The following KCNT1 variants were observed in gnomAD, a reference collection of about 807,000 sequenced individuals.
KCNT1 encodes potassium channel subfamily T member 1.
Under a neutral mutation model 147.8 loss-of-function variants are expected in KCNT1, and 78 were observed. The observed-to-expected ratio is 0.53, with a 90% CI of 0.44 to 0.64. KCNT1 has a LOEUF of 0.64. KCNT1 is among the 30% of genes least tolerant of loss of function. KCNT1 has a pLI of 0.00. For missense variants in KCNT1, 1,419 were observed against 1,750.3 expected, an observed-to-expected ratio of 0.81 and a Z score of 3.38; for synonymous variants, 867 against 748.8, an observed-to-expected ratio of 1.16 and a Z score of -2.58.
intron 12 of KCNT1, 33 bp downstream of exon 12, chr9:135,765,228 T>A: frequency 6.3e-7 from 1 of 1,592,974 alleles, no homozygotes; most frequent in African/African-American, 1.3e-5. Flanking sequence ...AGCAGACGAC[T>A]CCCTCCCGGC....
intron 21 of KCNT1, among the ~76,000 whole-genome samples, chr9:135,777,793 G>T (rs1833279881): frequency 7.0e-6 from 1 of 142,640 alleles, no homozygotes; most frequent in African/African-American, 2.7e-5. Flanking sequence ...CCAGTTCCCA[G>T]CTCCACCCAA....
chr9:135,757,080 C>A, intron 7 of KCNT1, 76 bp from the exon 8 acceptor site: 2 of 898,910 alleles, frequency 2.2e-6, no homozygotes, highest in Non-Finnish European at 1.7e-6. Flanking sequence ...CGCCCTCTTC[C>A]CCACCCTGCC....
At chr9:135,759,940 C>G in intron 11 of KCNT1, 81 bp downstream of exon 11, 1 of 1,370,840 alleles carries the variant, frequency 7.3e-7, no homozygotes, top group Non-Finnish European at 9.8e-7. Flanking sequence ...GCCACTGAGG[C>G]TGTGGCACAG....
Position 135,786,446 on chromosome 9 carries a change from C to T in KCNT1, c.3427C>T (p.Arg1143Cys), listed in dbSNP as rs760923308. Reference sequence around the variant, plus strand: ...CCAGCAGCGCCTCAGCCTGTACCGGCGCTCTGAGCGCCAGGAGCTCTCCGA... The same window carrying T: ...CCAGCAGCGCCTCAGCCTGTACCGGTGCTCTGAGCGCCAGGAGCTCTCCGA... Reference protein sequence around the residue: ...ISQQRLSLYRRSERQELSELV... With the variant: ...ISQQRLSLYRCSERQELSELV... Residue 1143 changes from arginine (R) to cysteine (C), a missense_variant, in exon 29 of 31, where the codon CGC becomes TGC. Coordinates refer to ENST00000371757, the MANE Select transcript of KCNT1 (RefSeq NM_020822.3). The T allele has an allele frequency of 3.8e-6, 6 of 1,597,852 alleles. No homozygotes were observed. In the African/African-American group the frequency reaches 4.0e-5, roughly 11 times the overall value.
chr9:135,762,214 C>CG (rs904651595), intron 11 of KCNT1, among the ~76,000 whole-genome samples: 2 of 152,164 alleles, frequency 1.3e-5, no homozygotes, highest in Admixed American at 6.5e-5. Context: ...AAGGCCAAGG[C>CG]GGGAGGATCG....
chr9:135,770,220 G>A lies in KCNT1; in HGVS notation c.1620-78G>A, dbSNP rs954154783. On this transcript the variant is annotated intron_variant, in intron 16 of 30. Coordinates refer to ENST00000371757, the MANE Select transcript of KCNT1 (RefSeq NM_020822.3). ...TCCATGCCAGGGGAAGCAGAGGGGG[G>A]CACCTGCAGACCCAGCCGGGGAGAA... 7 of 1,505,744 alleles carry A rather than the reference G, an allele frequency of 4.6e-6. No individual in the cohort carries two copies. In the Admixed American group the frequency reaches 5.6e-5, roughly 12 times the overall value. 93.3% of individuals were successfully genotyped at this position (1,505,744 alleles called of 1,614,324 possible).
At chr9:135,784,918 G>C (rs1027819564) in intron 27 of KCNT1, 29 bp downstream of exon 27, 16 of 1,608,036 alleles carry the variant, frequency 1.0e-5, no homozygotes, top group Non-Finnish European at 1.4e-5. Flanking sequence ...GGCTGGGACT[G>C]TGGCAGCCCC....
At chr9:135,783,047 C>T (rs1039753059) in intron 24 of KCNT1, among the ~76,000 whole-genome samples, 4 of 152,304 alleles carry the variant, frequency 2.6e-5, no homozygotes, top group South Asian at 4.1e-4. Context: ...CCTCCGTGGG[C>T]GCACACGCCT....
chr9:135,727,977 C>T (rs953258041), intron 2 of KCNT1, among the ~76,000 whole-genome samples: 21 of 152,288 alleles, frequency 1.4e-4, no homozygotes, highest in African/African-American at 4.6e-4. Context: ...TAAAAGAGGG[C>T]GGCAAAGAGG....
chr9:135,760,807 G>A (rs190838312), intron 11 of KCNT1, among the ~76,000 whole-genome samples: 139 of 152,342 alleles, frequency 9.1e-4, no homozygotes, highest in African/African-American at 3.2e-3. Context: ...GGGGCCGTGC[G>A]CGTCTTTCCA....
At position 135,784,071 on chromosome 9, in the gene KCNT1, G is replaced by A. The variant is rs376839128; in HGVS notation, c.2889G>A (p.Pro963=). The A allele has an allele frequency of 1.2e-5, 19 of 1,606,134 alleles. No homozygotes were observed. The highest frequency in any genetic ancestry group is 1.6e-4 in the Middle Eastern group (1 of 6,084). ...GSNLAFMFRL[P]FAAGRVFSIS... ...ACCTGGCCTTCATGTTCCGCCTGCC[G>A]TTCGCCGCCGGCCGCGTCTTCAGCA... Residue 963 remains proline (P), a synonymous_variant, in exon 25 of 31, where the codon CCG becomes CCA. Transcript: ENST00000371757.
At position 135,703,316 on chromosome 9, in the gene KCNT1, CTGAGAGCGGG is replaced by C. The variant is rs1340772882; in HGVS notation, c.110+949_110+958del. On this transcript the variant is annotated intron_variant, in intron 1 of 30. Transcript: ENST00000371757. ...CAGAGAAGGGGGTGGAAGAGCATAC[CTGAGAGCGGG>C]AGGCCTGGTGCGGCTGCCTGTTTGT... is the stretch of plus-strand genomic sequence containing the variant. 3.3e-5 allele frequency among the ~76,000 whole-genome samples: 5 copies of C among 152,156 alleles called. No individual in the cohort carries two copies. In the East Asian group the frequency reaches 5.8e-4, roughly 18 times the overall value.
At chr9:135,761,601 C>T (rs537156433) in intron 11 of KCNT1, among the ~76,000 whole-genome samples, 1 of 152,350 alleles carries the variant, frequency 6.6e-6, no homozygotes, top group East Asian at 1.9e-4. Flanking sequence ...CTTTCAGGGC[C>T]ATCCTTGACC....
chr9:135,726,998 CCT>C (rs1180845493), intron 2 of KCNT1, among the ~76,000 whole-genome samples: 4 of 81,928 alleles, frequency 4.9e-5, no homozygotes, highest in Non-Finnish European at 9.8e-5. Context: ...TCCCTCTCTC[CCT>C]CTCTCTTTCC....
At chr9:135,755,376 G>A (rs1372874310) in intron 6 of KCNT1, among the ~76,000 whole-genome samples, 1 of 146,454 alleles carries the variant, frequency 6.8e-6, no homozygotes, top group African/African-American at 2.5e-5. Context: ...CTCAGCAAAT[G>A]CTGAGGACAA....
chr9:135,790,817 C>T (rs1215836638), intron 29 of KCNT1: 1 of 152,304 alleles, frequency 6.6e-6, no homozygotes, highest in Admixed American at 6.5e-5. Context: ...AATCCAGGAG[C>T]TTCCCGTAGA....
At chr9:135,783,870 CTG>C (rs989094420) in intron 24 of KCNT1, among the ~76,000 whole-genome samples, 152 bp from the exon 25 acceptor site, 7 of 152,244 alleles carry the variant, frequency 4.6e-5, no homozygotes, top group South Asian at 4.1e-4. Flanking sequence ...CAGACACACA[CTG>C]TGTACACGTG....
chr9:135,781,058 G>A (rs1376111730), intron 24 of KCNT1, among the ~76,000 whole-genome samples: 6 of 152,216 alleles, frequency 3.9e-5, no homozygotes, highest in South Asian at 2.1e-4. Context: ...GCTCCGCCCC[G>A]CCGTGGGGCC....
intron 2 of KCNT1, among the ~76,000 whole-genome samples, chr9:135,745,051 G>A (rs747801252): frequency 1.6e-4 from 25 of 152,226 alleles, no homozygotes; most frequent in African/African-American, 3.1e-4. Flanking sequence ...CCGGGGATCC[G>A]GGAATGCAGC....
Sources: allele counts gnomAD v4.1 joint callset (sites outside exome capture counted in the v4.1 genomes callset), GRCh38; gene constraint gnomAD v4.1.1; transcripts MANE v1.5; gene names NCBI Gene and HGNC (gene_info 2026-07-23, HGNC 2026-07-21).